The following TACR3 variants were observed in gnomAD, a reference collection of about 807,000 sequenced individuals.
TACR3 encodes the protein tachykinin receptor 3, also known as neuromedin-K receptor.
Under a neutral mutation model 35.0 loss-of-function variants are expected in TACR3, and 34 were observed. The ratio of observed to expected loss-of-function variants is 0.97; its 90% CI spans 0.74 to 1.30. TACR3 has a LOEUF of 1.30. TACR3 is among the 50% of genes most tolerant of loss of function. The pLI, the probability that TACR3 is intolerant of heterozygous loss-of-function variation, is 0.00. For synonymous variants in TACR3, 233 were observed against 221.1 expected, an observed-to-expected ratio of 1.05 and a Z score of -0.48; for missense variants, 558 against 591.7, an observed-to-expected ratio of 0.94 and a Z score of 0.59.
chr4:103,651,247 C>T (rs1368246115), intron 3 of TACR3, among the ~76,000 whole-genome samples: 9 of 151,162 alleles, frequency 6.0e-5, no homozygotes, highest in East Asian at 2.0e-4. Context: ...AGTCAAAAAC[C>T]TTAGAAGTCT....
In TACR3 at chr4:103,700,504, C is replaced by T. The variant is rs150262112; in HGVS notation, c.548+18624G>A. Among the ~76,000 whole-genome samples, 583 of 152,284 alleles carry T rather than the reference C, an allele frequency of 3.8e-3. 3 individuals are homozygous for T. Among genetic ancestry groups the T allele is most frequent in the Admixed American group, 7.5e-3 (115 of 15,294 alleles). On this transcript the variant is annotated intron_variant, in intron 1 of 4. Coordinates refer to ENST00000304883, the MANE Select transcript of TACR3 (RefSeq NM_001059.3). ...GTGTGACATAGCACAAGAAACACTACAAACACTGTGCTAATTTATCCCTGT... is the reference window on the plus strand; with the variant it reads ...GTGTGACATAGCACAAGAAACACTATAAACACTGTGCTAATTTATCCCTGT...
intron 3 of TACR3, among the ~76,000 whole-genome samples, chr4:103,604,171 G>A (rs988929992): frequency 6.6e-6 from 1 of 152,162 alleles, no homozygotes; most frequent in Non-Finnish European, 1.5e-5. Context: ...AAAACACCAT[G>A]GTACTGGTAC....
At chr4:103,638,510 C>T (rs1725253391) in intron 3 of TACR3, among the ~76,000 whole-genome samples, 2 of 151,872 alleles carry the variant, frequency 1.3e-5, no homozygotes, top group African/African-American at 2.4e-5. Flanking sequence ...TAGGCGATAC[C>T]ATTCAGGACA....
intron 1 of TACR3, among the ~76,000 whole-genome samples, chr4:103,665,376 A>C (rs970701848): frequency 3.3e-5 from 5 of 152,112 alleles, no homozygotes; most frequent in African/African-American, 4.8e-5. Flanking sequence ...TTTGATTTTT[A>C]TAAGTAAAAT....
intron 1 of TACR3, among the ~76,000 whole-genome samples, chr4:103,699,725 GAAA>G (rs1001494939): frequency 6.6e-6 from 1 of 152,126 alleles, no homozygotes; most frequent in Admixed American, 6.6e-5. Flanking sequence ...GGATATGTAT[GAAA>G]GATGAGATGA....
At chr4:103,703,072 A>G (rs1214223231) in intron 1 of TACR3, among the ~76,000 whole-genome samples, 1 of 152,182 alleles carries the variant, frequency 6.6e-6, no homozygotes, top group Non-Finnish European at 1.5e-5. Context: ...AAAATAAAAT[A>G]AAATGTTGCT....
intron 1 of TACR3, among the ~76,000 whole-genome samples, chr4:103,717,137 C>A (rs1224279905): frequency 6.6e-6 from 1 of 151,994 alleles, no homozygotes; most frequent in East Asian, 1.9e-4. Flanking sequence ...AACTATTGGA[C>A]TGGTAATCTA....
Position 103,589,844 on chromosome 4 carries a change from C to A in TACR3, c.1236G>T (p.Val412=). The part of the protein sequence containing the change: ...TVTRMESMTV[V]FDPNDADTTR... ...TGGTGTCTGCATCGTTGGGGTCAAA[C>A]ACGACTGTCATGGACTCCATTCTGG... Residue 412 remains valine (V), a synonymous_variant, in exon 5 of 5, where the codon GTG becomes GTT. Coordinates refer to ENST00000304883, the MANE Select transcript of TACR3 (RefSeq NM_001059.3). 6.2e-7 allele frequency: 1 copy of A among 1,613,958 alleles called. No individual in the cohort carries two copies. The highest frequency in any genetic ancestry group is 8.5e-7 in the Non-Finnish European group (1 of 1,179,886).
intron 2 of TACR3, among the ~76,000 whole-genome samples, chr4:103,656,971 CA>C (rs1390959420): frequency 1.4e-5 from 2 of 147,560 alleles, no homozygotes; most frequent in East Asian, 2.0e-4. Flanking sequence ...CAAAACAAAA[CA>C]AAAAAACATG....
At chr4:103,646,634 G>T (rs76202766) in intron 3 of TACR3, among the ~76,000 whole-genome samples, 17 of 151,840 alleles carry the variant, frequency 1.1e-4, no homozygotes, top group Non-Finnish European at 2.4e-4. Flanking sequence ...TGCCCCTCAC[G>T]CATATATTTT....
At chr4:103,610,661 T>A (rs1724493016) in intron 3 of TACR3, among the ~76,000 whole-genome samples, 1 of 152,152 alleles carries the variant, frequency 6.6e-6, no homozygotes, top group Non-Finnish European at 1.5e-5. Context: ...TTTTTGCTTT[T>A]ATTTCTCTTG....
At position 103,664,968 on chromosome 4, in the gene TACR3, G is replaced by GT. The variant is rs76055571; in HGVS notation, c.549-6566dup. Among the ~76,000 whole-genome samples the GT allele has an allele frequency of 4.7e-3, 668 of 142,484 alleles. 2 individuals carry two copies. Among genetic ancestry groups the GT allele is most frequent in the Middle Eastern group, 0.014 (4 of 278 alleles). The allele number at this position is 142,484 out of a possible 152,430, so 93.5% of individuals were successfully genotyped here. A position where few individuals can be genotyped will look rare whatever the true frequency, so the allele number is the denominator to read the frequency against. The stretch of plus-strand genomic sequence containing the variant: ...GAGACTACAGGTGCATGCCTGGCTA[G>GT]TTTTTTTTTTTTTCCTGTATTTCTT... On this transcript the variant is annotated intron_variant, in intron 1 of 4. Coordinates refer to ENST00000304883, the MANE Select transcript of TACR3 (RefSeq NM_001059.3).
Position 103,687,241 on chromosome 4 carries a change from G to A in TACR3, c.549-28838C>T, listed in dbSNP as rs377042298. Among the ~76,000 whole-genome samples the A allele has an allele frequency of 2.4e-3, 358 of 152,160 alleles. 2 individuals carry two copies. The highest frequency in any genetic ancestry group is 8.0e-3 in the African/African-American group (332 of 41,500). On this transcript the variant is annotated intron_variant, in intron 1 of 4. Transcript: ENST00000304883. ...TCAATAAATTACGTATTGATGGGACGTATCTCAAAATAATAAGAGCTATCT... is the reference window on the plus strand; with the variant it reads ...TCAATAAATTACGTATTGATGGGACATATCTCAAAATAATAAGAGCTATCT...
chr4:103,591,346 G>A, intron 4 of TACR3, 141 bp downstream of exon 4: 1 of 914,794 alleles, frequency 1.1e-6, no homozygotes, highest in South Asian at 1.4e-5. Flanking sequence ...GAAAGATAAA[G>A]CCTGTGCCTC....
At chr4:103,628,721 A>C (rs890079237) in intron 3 of TACR3, among the ~76,000 whole-genome samples, 1 of 152,240 alleles carries the variant, frequency 6.6e-6, no homozygotes, top group Non-Finnish European at 1.5e-5. Flanking sequence ...CCAGAGGTAC[A>C]AGGAGGAGCT....
At chr4:103,606,711 G>T (rs1233388152) in intron 3 of TACR3, among the ~76,000 whole-genome samples, 1 of 152,030 alleles carries the variant, frequency 6.6e-6, no homozygotes, top group Non-Finnish European at 1.5e-5. Context: ...TCAGCTTAAG[G>T]AGATTTTGGG....
At chr4:103,657,622 T>C (rs1056053908) in intron 2 of TACR3, among the ~76,000 whole-genome samples, 2 of 152,100 alleles carry the variant, frequency 1.3e-5, no homozygotes, top group Non-Finnish European at 2.9e-5. Context: ...AAAAATCAAA[T>C]GCAATAAATT....
chr4:103,629,853 AAAAAAAAC>A lies in TACR3; in HGVS notation c.888+26333_888+26340del, dbSNP rs1560813983. Among the ~76,000 whole-genome samples, 182 of 115,470 alleles carry A rather than the reference AAAAAAAAC, an allele frequency of 1.6e-3. 3 individuals are homozygous for A. The highest frequency in any genetic ancestry group is 5.6e-3 in the African/African-American group (154 of 27,414). The allele number at this position is 115,470 out of a possible 152,430, so 75.8% of individuals were successfully genotyped here. A position where few individuals can be genotyped will look rare whatever the true frequency, so the allele number is the denominator to read the frequency against. ...GCCAAGACAATCCTAAGCAAAACAA[AAAAAAAAC>A]AAAAAAAAAACAAAAAAAACAACAA... On this transcript the variant is annotated intron_variant, in intron 3 of 4. Coordinates refer to ENST00000304883, the MANE Select transcript of TACR3 (RefSeq NM_001059.3).
chr4:103,657,248 A>T (rs933136479), intron 2 of TACR3, among the ~76,000 whole-genome samples: 2 of 152,002 alleles, frequency 1.3e-5, no homozygotes, highest in Non-Finnish European at 2.9e-5. Context: ...TTTTTTGTAA[A>T]GTGAATCTTA....
Sources: allele counts gnomAD v4.1 joint callset (sites outside exome capture counted in the v4.1 genomes callset), GRCh38; gene constraint gnomAD v4.1.1; transcripts MANE v1.5; gene names NCBI Gene and HGNC (gene_info 2026-07-23, HGNC 2026-07-21).